The following ELOVL6 variants were observed in gnomAD, a reference collection of about 807,000 sequenced individuals.
ELOVL6 encodes the protein very long chain fatty acid elongase 6.
ELOVL6 carries 8 observed loss-of-function variants against 31.7 expected under a neutral mutation model. The ratio of observed to expected loss-of-function variants is 0.25; its 90% CI spans 0.15 to 0.45. The LOEUF (loss-of-function observed/expected upper bound fraction) is 0.45, where lower values mean the gene tolerates loss of function less well. ELOVL6 is among the 20% of genes least tolerant of loss of function. The pLI is 1.00. For synonymous variants in ELOVL6, 101 were observed against 117.7 expected (o/e 0.86, Z 0.92); for missense variants, 126 against 326.4 (o/e 0.39, Z 4.73).
At chr4:110,150,888 CAA>C (rs1372449390) in intron 1 of ELOVL6, among the ~76,000 whole-genome samples, 1 of 151,966 alleles carries the variant, frequency 6.6e-6, no homozygotes, top group African/African-American at 2.4e-5. Context: ...ACTAAAAATA[CAA>C]AAATTAGCCA....
At chr4:110,154,983 G>A (rs1433159211) in intron 1 of ELOVL6, among the ~76,000 whole-genome samples, 2 of 152,066 alleles carry the variant, frequency 1.3e-5, no homozygotes, top group Non-Finnish European at 2.9e-5. Flanking sequence ...CATTATTTGA[G>A]AATTAAATGA....
intron 1 of ELOVL6, among the ~76,000 whole-genome samples, chr4:110,108,838 T>C (rs1756955426): frequency 6.6e-6 from 1 of 152,252 alleles, no homozygotes; most frequent in Non-Finnish European, 1.5e-5. Context: ...AATCTTTTAC[T>C]GTAGTGAAAT....
intron 1 of ELOVL6, among the ~76,000 whole-genome samples, chr4:110,113,292 AT>A (rs1182780734): frequency 6.6e-6 from 1 of 151,168 alleles, no homozygotes; most frequent in Non-Finnish European, 1.5e-5. Context: ...CAGAAAACAT[AT>A]CAGTGACTGG....
chr4:110,177,500 T>C (rs1391484006), intron 1 of ELOVL6, among the ~76,000 whole-genome samples: 5 of 151,960 alleles, frequency 3.3e-5, no homozygotes, highest in African/African-American at 1.2e-4. Context: ...TTTTATAAAC[T>C]TACTGAGTGC....
At chr4:110,147,637 A>G (rs1467500308) in intron 1 of ELOVL6, among the ~76,000 whole-genome samples, 2 of 152,262 alleles carry the variant, frequency 1.3e-5, no homozygotes, top group African/African-American at 4.8e-5. Flanking sequence ...AAAAAAATAC[A>G]AAAATCAACT....
intron 1 of ELOVL6, among the ~76,000 whole-genome samples, chr4:110,174,394 G>A (rs527607692): frequency 6.6e-5 from 10 of 152,184 alleles, no homozygotes; most frequent in Middle Eastern, 3.4e-3. Context: ...TTGAACCCCC[G>A]GCCTCAAGTG....
At chr4:110,071,008 A>C (rs937897511) in intron 2 of ELOVL6, among the ~76,000 whole-genome samples, 6 of 152,190 alleles carry the variant, frequency 3.9e-5, no homozygotes, top group African/African-American at 1.4e-4. Context: ...ATCTGTATAG[A>C]GTCTTCCCCC....
intron 2 of ELOVL6, among the ~76,000 whole-genome samples, chr4:110,102,645 G>A (rs1006714162): frequency 2.0e-5 from 3 of 151,136 alleles, no homozygotes; most frequent in African/African-American, 7.3e-5. Context: ...GGGTGACAGA[G>A]TGAAATCTTG....
chr4:110,109,718 G>A (rs1756977524), intron 1 of ELOVL6, among the ~76,000 whole-genome samples: 1 of 152,168 alleles, frequency 6.6e-6, no homozygotes, highest in Non-Finnish European at 1.5e-5. Context: ...CCAGTGCTTA[G>A]CTTGAGTCTC....
chr4:110,186,204 CAAAACA>C (rs968161926), intron 1 of ELOVL6, among the ~76,000 whole-genome samples: 4 of 151,686 alleles, frequency 2.6e-5, no homozygotes, highest in Non-Finnish European at 4.4e-5. Flanking sequence ...CAAAACAAGA[CAAAACA>C]AAAACAAAAA....
At chr4:110,168,206 T>C (rs76384349) in intron 1 of ELOVL6, among the ~76,000 whole-genome samples, 18,941 of 152,172 alleles carry the variant, frequency 0.12, 1,286 homozygotes, top group African/African-American at 0.15. Flanking sequence ...TATATGGCTA[T>C]AAATCATTAG....
intron 1 of ELOVL6, among the ~76,000 whole-genome samples, chr4:110,161,713 T>C (rs1758636141): frequency 6.6e-6 from 1 of 152,216 alleles, no homozygotes; most frequent in East Asian, 1.9e-4. Context: ...ATAAGCTTCA[T>C]TCAGGCATGA....
intron 1 of ELOVL6, 47 bp from the exon 2 acceptor site, chr4:110,105,675 A>G (rs1391224860): frequency 6.4e-6 from 10 of 1,571,262 alleles, no homozygotes; most frequent in African/African-American, 2.7e-5. Flanking sequence ...AGTCATTAGG[A>G]AACACCAAAT....
chr4:110,065,808 A>G (rs191577120), intron 2 of ELOVL6, among the ~76,000 whole-genome samples: 11 of 152,332 alleles, frequency 7.2e-5, no homozygotes, highest in Admixed American at 1.3e-4. Flanking sequence ...CCTGGGGGGA[A>G]AAAGAGCCTT....
intron 2 of ELOVL6, among the ~76,000 whole-genome samples, chr4:110,087,967 C>T (rs56396763): frequency 0.25 from 37,781 of 152,044 alleles, 4,917 homozygotes; most frequent in Non-Finnish European, 0.29. Context: ...TTCCGGCCTT[C>T]GTGAAGGTTA....
intron 1 of ELOVL6, among the ~76,000 whole-genome samples, chr4:110,152,972 G>T (rs954063106): frequency 1.1e-4 from 16 of 152,122 alleles, no homozygotes; most frequent in African/African-American, 3.9e-4. Flanking sequence ...TGACCCCTCC[G>T]TGAGTATAAA....
At chr4:110,084,414 C>CATGATGTATCACATATATCATAT (rs1756131055) in intron 2 of ELOVL6, among the ~76,000 whole-genome samples, 1 of 22,892 alleles carries the variant, frequency 4.4e-5, no homozygotes, top group African/African-American at 1.5e-4. Context: ...ATATGACATA[C>CATGATGTATCACATATATCATAT]ATGATATATC....
chr4:110,197,348 G>A (rs1329701927), intron 1 of ELOVL6, among the ~76,000 whole-genome samples: 7 of 152,192 alleles, frequency 4.6e-5, no homozygotes, highest in Non-Finnish European at 1.0e-4. Flanking sequence ...CTCCCACACA[G>A]GGATTTTCAA....
At chr4:110,143,603 T>C (rs1286558125) in intron 1 of ELOVL6, among the ~76,000 whole-genome samples, 1 of 152,044 alleles carries the variant, frequency 6.6e-6, no homozygotes, top group East Asian at 1.9e-4. Flanking sequence ...AATCTGTGTT[T>C]CTACATACAG....
Sources: gnomAD v4.1 joint callset for allele counts (sites outside exome capture counted in the v4.1 genomes callset) on GRCh38, gnomAD v4.1.1 for gene constraint, MANE v1.5 for transcripts, NCBI Gene and HGNC (gene_info 2026-07-23, HGNC 2026-07-21) for gene names.